CCDC122: variants seen among roughly 807,000 people sequenced by gnomAD.
CCDC122 encodes coiled-coil domain containing 122.
In CCDC122, 38 loss-of-function variants were observed where a neutral mutation model predicts 37.0. The observed-to-expected ratio is 1.03, with a 90% CI of 0.79 to 1.35. The LOEUF is 1.35. Among genes scored for constraint, CCDC122 ranks in the 40% most tolerant of loss-of-function variants. The probability of loss-of-function intolerance (pLI) is 0.00; values close to 1 mark genes in which losing one functional copy is unlikely to be tolerated. For synonymous variants in CCDC122, 83 were observed against 95.6 expected (o/e 0.87, Z 0.77); for missense variants, 305 against 310.0 (o/e 0.98, Z 0.12).
Position 43,829,639 on chromosome 13 carries a change from A to G in CCDC122, n.602-5628T>C, listed in dbSNP as rs536308265. On this transcript the variant is annotated intron_variant and non_coding_transcript_variant, in intron 3 of 3. Coordinates refer to the CCDC122 transcript ENST00000470137. ...TTAAAAGCTGAGAAAGAATGGTTTG[A>G]GAGAACCAAGATGATTATAGAAGGA... Among the ~76,000 whole-genome samples the G allele has an allele frequency of 2.7e-3, 416 of 152,142 alleles. 1 individual carries two copies. The highest frequency in any genetic ancestry group is 4.8e-3 in the Non-Finnish European group (329 of 67,998).
intron 3 of CCDC122, among the ~76,000 whole-genome samples, chr13:43,829,880 T>A (rs977857068): frequency 6.6e-6 from 1 of 152,088 alleles, no homozygotes; most frequent in African/African-American, 2.4e-5. Flanking sequence ...TAGATTTATT[T>A]ATTAATTTTT....
At chr13:43,868,923 T>C (rs964235537) in intron 3 of CCDC122, 120 bp from the exon 4 acceptor site, 7 of 554,164 alleles carry the variant, frequency 1.3e-5, no homozygotes, top group African/African-American at 1.2e-4. Context: ...CTAAACTAAA[T>C]TTAGAATTAG....
chr13:43,863,675 T>G (rs963980052), intron 4 of CCDC122, among the ~76,000 whole-genome samples: 8 of 149,382 alleles, frequency 5.4e-5, no homozygotes, highest in Non-Finnish European at 1.0e-4. Context: ...TTCTAGTGGG[T>G]TGTGTGTGTG....
intron 6 of CCDC122, among the ~76,000 whole-genome samples, chr13:43,850,524 A>G (rs137878104): frequency 6.6e-6 from 1 of 152,362 alleles, no homozygotes; most frequent in African/African-American, 2.4e-5. Flanking sequence ...AAAAGGTACA[A>G]TAACCAAAGT....
intron 6 of CCDC122, chr13:43,856,056 G>A (rs1315329444): frequency 6.6e-6 from 1 of 152,144 alleles, no homozygotes; most frequent in Non-Finnish European, 1.5e-5. Flanking sequence ...GTCCTTTGCA[G>A]GAACATGAAT....
chr13:43,837,040 T>G lies in CCDC122; in HGVS notation c.*240A>C, dbSNP rs1038599042. 8 of 436,950 alleles carry G rather than the reference T, an allele frequency of 1.8e-5. No individual in the cohort carries two copies. The highest frequency in any genetic ancestry group is 1.6e-4 in the African/African-American group (8 of 50,106). 27.1% of individuals were successfully genotyped at this position (436,950 alleles called of 1,614,324 possible). ...ACACACTCCAAATAGTCACAGAGAC[T>G]CTTGCATTATTTTCCCGTAGACATT... On this transcript the variant is annotated 3_prime_UTR_variant, in exon 7 of 7. Transcript: ENST00000444614.
At chr13:43,866,430 T>A (rs1954279677) in intron 4 of CCDC122, among the ~76,000 whole-genome samples, 1 of 152,204 alleles carries the variant, frequency 6.6e-6, no homozygotes, top group African/African-American at 2.4e-5. Context: ...CCTTTAAATT[T>A]CCATATGACT....
At chr13:43,870,638 G>T (rs984982613) in intron 2 of CCDC122, among the ~76,000 whole-genome samples, 6 of 152,024 alleles carry the variant, frequency 3.9e-5, no homozygotes, top group Non-Finnish European at 8.8e-5. Flanking sequence ...GTGCCAGATG[G>T]TGTTCTAAGA....
intron 6 of CCDC122, among the ~76,000 whole-genome samples, chr13:43,840,709 G>T (rs1299195856): frequency 6.6e-6 from 1 of 151,572 alleles, no homozygotes; most frequent in Non-Finnish European, 1.5e-5. Flanking sequence ...CAAAGGACAT[G>T]AACTCATCAT....
At chr13:43,829,363 T>C (rs1953067602) in intron 3 of CCDC122, among the ~76,000 whole-genome samples, 1 of 152,194 alleles carries the variant, frequency 6.6e-6, no homozygotes, top group Admixed American at 6.5e-5. Context: ...TGGAGTACAG[T>C]GGTGCGATCT....
At chr13:43,840,200 G>A (rs966108463) in intron 6 of CCDC122, among the ~76,000 whole-genome samples, 4 of 152,050 alleles carry the variant, frequency 2.6e-5, no homozygotes, top group Non-Finnish European at 5.9e-5. Flanking sequence ...GTTCTTCCCA[G>A]GCCATATTTT....
At chr13:43,821,275 G>A (rs1440059761), downstream of CCDC122, among the ~76,000 whole-genome samples, 1 of 152,206 alleles carries the variant, frequency 6.6e-6, no homozygotes, top group Non-Finnish European at 1.5e-5. Context: ...GCAGACTGGA[G>A]TGCAGTGGCA....
intron 6 of CCDC122, chr13:43,854,199 G>T (rs189639887): frequency 1.1e-4 from 17 of 152,106 alleles, no homozygotes; most frequent in Non-Finnish European, 2.1e-4. Flanking sequence ...CTAGGAGCTG[G>T]TTTTTTGAAA....
chr13:43,840,483 C>G (rs1463362919), intron 6 of CCDC122, among the ~76,000 whole-genome samples: 3 of 152,008 alleles, frequency 2.0e-5, no homozygotes, highest in Non-Finnish European at 4.4e-5. Context: ...CACCCATTAA[C>G]TCTTCATTTA....
In CCDC122 at chr13:43,837,128, G is replaced by T; in HGVS notation, c.*152C>A. 1.4e-6 allele frequency: 1 copy of T among 693,046 alleles called. No individual in the cohort carries two copies. Among genetic ancestry groups the T allele is most frequent in the South Asian group, 2.0e-5 (1 of 49,380 alleles). The allele number at this position is 693,046 out of a possible 1,614,324, so 42.9% of individuals were successfully genotyped here. A position where few individuals can be genotyped will look rare whatever the true frequency, so the allele number is the denominator to read the frequency against. ...AAGGCATTTTAACAAATCGATGACT[G>T]ATTTAAAAAAAACAACAACCGAAGA... On this transcript the variant is annotated 3_prime_UTR_variant, in exon 7 of 7. Transcript: ENST00000444614.
At chr13:43,834,945 C>T (rs1158525018), downstream of CCDC122, among the ~76,000 whole-genome samples, 2 of 151,922 alleles carry the variant, frequency 1.3e-5, no homozygotes, top group African/African-American at 2.4e-5. Flanking sequence ...TTTGACCCAG[C>T]CATCCCATTA....
downstream of CCDC122, among the ~76,000 whole-genome samples, chr13:43,819,018 C>T (rs1239289134): frequency 1.3e-5 from 2 of 151,942 alleles, no homozygotes; most frequent in Non-Finnish European, 2.9e-5. Context: ...TACCCTAAAA[C>T]TTAAAGTATA....
rs112448911 is a variant in CCDC122 at position 43,875,086 on chromosome 13, CTT to C, written c.-199-161_-199-160del. Among the ~76,000 whole-genome samples, 74 of 152,334 alleles carry C rather than the reference CTT, an allele frequency of 4.9e-4. 1 individual carries two copies. The highest frequency in any genetic ancestry group is 1.5e-3 in the African/African-American group (64 of 41,592). ...ACAGTACTGGACTACCAAAACATCT[CTT>C]GTTTTGGAGTGTAGACATTAAGGGG... On this transcript the variant is annotated intron_variant, in intron 1 of 6. Transcript: ENST00000444614.
chr13:43,827,686 A>G lies in CCDC122; in HGVS notation n.602-3675T>C, dbSNP rs143745416. Among the ~76,000 whole-genome samples the G allele has an allele frequency of 3.3e-5, 5 of 152,300 alleles. No homozygotes were observed. The East Asian group carries it at 9.7e-4, about 29-fold the overall frequency. ...TATATGGACGGTTGACTTTTGCTAT[A>G]CAGAAGTTCTGCAGGGCTGACTGTG... On this transcript the variant is annotated intron_variant and non_coding_transcript_variant, in intron 3 of 3. Coordinates refer to the CCDC122 transcript ENST00000470137.
Sources: allele counts gnomAD v4.1 joint callset (sites outside exome capture counted in the v4.1 genomes callset), GRCh38; gene constraint gnomAD v4.1.1; transcripts MANE v1.5; gene names NCBI Gene and HGNC (gene_info 2026-07-23, HGNC 2026-07-21).